KLHL1: variants seen among roughly 807,000 people sequenced by gnomAD.
KLHL1 encodes the protein kelch-like protein 1.
Under a neutral mutation model 77.7 loss-of-function variants are expected in KLHL1, and 47 were observed. The observed-to-expected ratio is 0.60, with a 90% CI of 0.48 to 0.77. The LOEUF (loss-of-function observed/expected upper bound fraction) is 0.77. Among genes scored for constraint, KLHL1 ranks in the 30% least tolerant of loss-of-function variants. The pLI is 0.00. For missense variants in KLHL1, 925 were observed against 910.8 expected, an observed-to-expected ratio of 1.02 and a Z score of -0.20; for synonymous variants, 360 against 325.2, an observed-to-expected ratio of 1.11 and a Z score of -1.15.
chr13:69,912,004 T>C (rs1023065095), intron 4 of KLHL1, among the ~76,000 whole-genome samples: 2 of 152,126 alleles, frequency 1.3e-5, no homozygotes, highest in Non-Finnish European at 2.9e-5. Context: ...CTCTGTTCTA[T>C]TTGGTTGAAC....
At chr13:70,101,433 A>C (rs1887920349) in intron 1 of KLHL1, among the ~76,000 whole-genome samples, 1 of 151,804 alleles carries the variant, frequency 6.6e-6, no homozygotes, top group African/African-American at 2.4e-5. Context: ...GTATATATAT[A>C]TAATTTTTTT....
chr13:69,767,359 T>C (rs1007344676), intron 7 of KLHL1, among the ~76,000 whole-genome samples: 4 of 152,122 alleles, frequency 2.6e-5, no homozygotes, highest in African/African-American at 9.7e-5. Flanking sequence ...TTTTACACTT[T>C]CACAAATAAA....
At chr13:69,972,381 C>A (rs2137287085) in intron 2 of KLHL1, among the ~76,000 whole-genome samples, 1 of 152,008 alleles carries the variant, frequency 6.6e-6, no homozygotes, top group South Asian at 2.1e-4. Flanking sequence ...GAATATAACA[C>A]ATTTTTAAAT....
At chr13:69,872,411 C>T (rs997817846) in intron 5 of KLHL1, among the ~76,000 whole-genome samples, 1 of 152,110 alleles carries the variant, frequency 6.6e-6, no homozygotes, top group South Asian at 2.1e-4. Flanking sequence ...CTGACAGATC[C>T]CAGCAACTTA....
intron 1 of KLHL1, among the ~76,000 whole-genome samples, chr13:70,029,875 C>T (rs1028875957): frequency 2.6e-5 from 4 of 152,044 alleles, no homozygotes; most frequent in African/African-American, 9.7e-5. Flanking sequence ...CAGAGACACA[C>T]GTAGGCTCAA....
intron 1 of KLHL1, among the ~76,000 whole-genome samples, chr13:70,086,282 A>G (rs1332052337): frequency 1.3e-5 from 1 of 76,518 alleles, no homozygotes; most frequent in Admixed American, 1.5e-4. Context: ...AAAAAGTTTC[A>G]AAAAAAAAAA....
intron 7 of KLHL1, among the ~76,000 whole-genome samples, chr13:69,774,081 G>A (rs950697268): frequency 7.3e-5 from 11 of 151,682 alleles, no homozygotes; most frequent in African/African-American, 2.7e-4. Context: ...ACCAAGTGAC[G>A]AAAAAATCCA....
At chr13:69,762,852 C>T (rs1479054397) in intron 7 of KLHL1, among the ~76,000 whole-genome samples, 2 of 151,580 alleles carry the variant, frequency 1.3e-5, no homozygotes, top group Admixed American at 1.3e-4. Context: ...ATTTTGTTTC[C>T]AACCTTATAC....
rs1426427687 is a variant in KLHL1 at position 70,046,634 on chromosome 13, T to A, written c.497+60569A>T. Among the ~76,000 whole-genome samples, 3 of 152,150 alleles carry A rather than the reference T, an allele frequency of 2.0e-5. No individual in the cohort carries two copies. In the East Asian group the frequency reaches 5.8e-4, roughly 29 times the overall value. On this transcript the variant is annotated intron_variant, in intron 1 of 10. Transcript: ENST00000377844. Reference sequence around the variant, plus strand: ...TCCCTAGTAGCTGGGATTACAGGAGTGCACCACCATACCTGGCTAATTTTA... The same window carrying A: ...TCCCTAGTAGCTGGGATTACAGGAGAGCACCACCATACCTGGCTAATTTTA...
chr13:69,974,984 A>G (rs984419615), intron 2 of KLHL1, among the ~76,000 whole-genome samples: 2 of 152,006 alleles, frequency 1.3e-5, no homozygotes, highest in Non-Finnish European at 2.9e-5. Context: ...GTCCTTCCCC[A>G]TGTATTCCAA....
intron 1 of KLHL1, among the ~76,000 whole-genome samples, chr13:70,056,373 C>T (rs1267392500): frequency 6.6e-6 from 1 of 151,764 alleles, no homozygotes. Flanking sequence ...AGAGACAGAC[C>T]CCAATATAAT....
At chr13:69,757,182 A>G (rs1874788506) in intron 7 of KLHL1, among the ~76,000 whole-genome samples, 1 of 152,036 alleles carries the variant, frequency 6.6e-6, no homozygotes, top group African/African-American at 2.4e-5. Context: ...ATTTCCGTGA[A>G]CCTCCTTGAA....
intron 1 of KLHL1, among the ~76,000 whole-genome samples, chr13:69,982,143 A>T (rs1884727518): frequency 6.6e-6 from 1 of 151,974 alleles, no homozygotes; most frequent in Non-Finnish European, 1.5e-5. Context: ...AACCTATTAT[A>T]GATACATTAA....
chr13:69,766,200 C>T (rs1187136994), intron 7 of KLHL1, among the ~76,000 whole-genome samples: 2 of 151,956 alleles, frequency 1.3e-5, no homozygotes, highest in Non-Finnish European at 2.9e-5. Context: ...TTAAATTTAG[C>T]TTGGAGGACA....
chr13:69,717,728 A>C (rs1251062713), intron 9 of KLHL1, among the ~76,000 whole-genome samples: 3 of 150,388 alleles, frequency 2.0e-5, no homozygotes, highest in Non-Finnish European at 4.4e-5. Flanking sequence ...TTTAGCAGAG[A>C]AAATGTAAAT....
Position 69,837,667 on chromosome 13 carries a change from T to C in KLHL1, c.1414+1309A>G, listed in dbSNP as rs1566309126. Among the ~76,000 whole-genome samples, 46 of 132,348 alleles carry C rather than the reference T, an allele frequency of 3.5e-4. 4 individuals are homozygous for C. The highest frequency in any genetic ancestry group is 1.3e-3 in the African/African-American group (41 of 30,926). The allele number at this position is 132,348 out of a possible 152,430, so 86.8% of individuals were successfully genotyped here. A position where few individuals can be genotyped will look rare whatever the true frequency, so the allele number is the denominator to read the frequency against. ...ATGTGTATATATATATGTGTGTGTG[T>C]GTGTATATATATATATATATACACA... is the stretch of plus-strand genomic sequence containing the variant. On this transcript the variant is annotated intron_variant, in intron 6 of 10. Transcript: ENST00000377844.
chr13:69,758,099 G>A (rs975701), intron 7 of KLHL1, among the ~76,000 whole-genome samples: 129 of 151,078 alleles, frequency 8.5e-4, no homozygotes, highest in Admixed American at 3.0e-3. Context: ...ACCATCAAAC[G>A]ATCAAAAAAT....
At position 70,071,117 on chromosome 13, in the gene KLHL1, T is replaced by G. The variant is rs556877175; in HGVS notation, c.497+36086A>C. ...AATCCAACAATTAAAAGCCAGAGAC[T>G]CTGAGACTTGAAAAAATTAATAAAT... On this transcript the variant is annotated intron_variant, in intron 1 of 10. Transcript: ENST00000377844. 1.2e-4 allele frequency among the ~76,000 whole-genome samples: 18 copies of G among 151,978 alleles called. No homozygotes were observed. The South Asian group carries it at 3.5e-3, about 30-fold the overall frequency.
chr13:69,990,043 A>G (rs1478518335), intron 1 of KLHL1, among the ~76,000 whole-genome samples: 1 of 152,010 alleles, frequency 6.6e-6, no homozygotes, highest in Non-Finnish European at 1.5e-5. Flanking sequence ...AAAGAAAATA[A>G]ATTCCAACCA....
Sources: gnomAD v4.1 joint callset for allele counts (sites outside exome capture counted in the v4.1 genomes callset) on GRCh38, gnomAD v4.1.1 for gene constraint, MANE v1.5 for transcripts, NCBI Gene and HGNC (gene_info 2026-07-23, HGNC 2026-07-21) for gene names.